TMEM132C: variants seen among roughly 807,000 people sequenced by gnomAD.
TMEM132C encodes protein phosphatase 1, regulatory subunit 152.
TMEM132C carries 29 observed loss-of-function variants against 61.4 expected under a neutral mutation model. The ratio of observed to expected loss-of-function variants is 0.47; its 90% CI spans 0.35 to 0.64. The LOEUF is 0.64. TMEM132C is among the 30% of genes least tolerant of loss of function. The pLI is 0.00. For synonymous variants in TMEM132C, 656 were observed against 633.1 expected (o/e 1.04, Z -0.54); for missense variants, 1,408 against 1,476.9 (o/e 0.95, Z 0.76).
chr12:128,343,724 A>T (rs1485026175), intron 1 of TMEM132C, among the ~76,000 whole-genome samples: 1 of 150,674 alleles, frequency 6.6e-6, no homozygotes, highest in Non-Finnish European at 1.5e-5. Context: ...TTCCACCCAG[A>T]AAAAAAACCC....
At chr12:128,631,310 AT>A (rs1167467730) in intron 4 of TMEM132C, among the ~76,000 whole-genome samples, 1 of 152,240 alleles carries the variant, frequency 6.6e-6, no homozygotes, top group Non-Finnish European at 1.5e-5. Flanking sequence ...GTAGCAACAC[AT>A]GACTAGTGGC....
intron 1 of TMEM132C, among the ~76,000 whole-genome samples, chr12:128,283,809 C>T (rs1175513335): frequency 1.3e-5 from 2 of 152,102 alleles, no homozygotes; most frequent in Non-Finnish European, 2.9e-5. Flanking sequence ...CATCTCAGTC[C>T]ACTCAATCTC....
chr12:128,340,870 TTCC>T (rs1048813484), intron 1 of TMEM132C, among the ~76,000 whole-genome samples: 10 of 150,440 alleles, frequency 6.6e-5, no homozygotes, highest in African/African-American at 2.4e-4. Flanking sequence ...CCTTCCTTCC[TTCC>T]TTTCTTTTTT....
intron 1 of TMEM132C, among the ~76,000 whole-genome samples, chr12:128,396,017 A>G (rs1300902391): frequency 2.0e-5 from 3 of 152,238 alleles, no homozygotes. Flanking sequence ...GGTCATAGGC[A>G]TGAAGCCCTT....
At chr12:128,615,088 C>T (rs559290339) in intron 3 of TMEM132C, among the ~76,000 whole-genome samples, 119 of 152,290 alleles carry the variant, frequency 7.8e-4, no homozygotes, top group African/African-American at 2.7e-3. Context: ...ATGAGTGGGT[C>T]CGACTGGAGC....
At chr12:128,470,499 C>A (rs902610286) in intron 2 of TMEM132C, among the ~76,000 whole-genome samples, 2 of 152,060 alleles carry the variant, frequency 1.3e-5, no homozygotes, top group African/African-American at 4.8e-5. Context: ...CCAACCATTG[C>A]TAATTTGGGA....
rs934669385 is a variant in TMEM132C, at chr12:128,417,651, T to G, written c.974+2031T>G. ...ATTGTAGTACCTGCTTCGATGGGGT[T>G]GTGAGGATTCAGTGGGCTAATATTT... On this transcript the variant is annotated intron_variant, in intron 2 of 8. Transcript: ENST00000435159. 2.6e-5 allele frequency among the ~76,000 whole-genome samples: 4 copies of G among 152,168 alleles called. No individual in the cohort carries two copies. The East Asian group carries it at 7.7e-4, about 29-fold the overall frequency.
chr12:128,662,910 C>A (rs1954406859), intron 4 of TMEM132C, among the ~76,000 whole-genome samples: 2 of 152,128 alleles, frequency 1.3e-5, no homozygotes, highest in Admixed American at 1.3e-4. Context: ...GACGTCTGGT[C>A]TCTGAGCCAC....
At chr12:128,327,900 T>C (rs1016240774) in intron 1 of TMEM132C, among the ~76,000 whole-genome samples, 2 of 152,096 alleles carry the variant, frequency 1.3e-5, no homozygotes, top group African/African-American at 4.8e-5. Context: ...CCAAGTTTTA[T>C]GCAGATGAAG....
chr12:128,593,859 T>G (rs990265162), intron 3 of TMEM132C, among the ~76,000 whole-genome samples: 1 of 152,050 alleles, frequency 6.6e-6, no homozygotes, highest in African/African-American at 2.4e-5. Flanking sequence ...AGTTTCCATC[T>G]CTCTCTCATC....
chr12:128,579,752 G>A (rs1875259302), intron 3 of TMEM132C, among the ~76,000 whole-genome samples: 1 of 152,192 alleles, frequency 6.6e-6, no homozygotes, highest in Non-Finnish European at 1.5e-5. Context: ...CAGAGGAGAA[G>A]AATGATTAAC....
At chr12:128,653,161 C>A (rs1339310817) in intron 4 of TMEM132C, among the ~76,000 whole-genome samples, 1 of 151,976 alleles carries the variant, frequency 6.6e-6, no homozygotes, top group Non-Finnish European at 1.5e-5. Flanking sequence ...ATGAAAGAAG[C>A]CAGGCACAAA....
At chr12:128,607,467 A>G (rs989853414) in intron 3 of TMEM132C, among the ~76,000 whole-genome samples, 1 of 152,092 alleles carries the variant, frequency 6.6e-6, no homozygotes, top group Non-Finnish European at 1.5e-5. Flanking sequence ...AGGTAGGGGA[A>G]GTAGGGGGTT....
At chr12:128,600,901 T>C (rs540539556) in intron 3 of TMEM132C, among the ~76,000 whole-genome samples, 24 of 152,300 alleles carry the variant, frequency 1.6e-4, no homozygotes, top group African/African-American at 5.8e-4. Context: ...CCCCAGGGCC[T>C]TCTAGTCTTA....
chr12:128,315,093 G>A (rs547475229), intron 1 of TMEM132C, among the ~76,000 whole-genome samples: 15 of 152,172 alleles, frequency 9.9e-5, no homozygotes, highest in African/African-American at 2.7e-4. Context: ...GGATGGTCTC[G>A]GAAGGTTCTT....
At chr12:128,691,020 A>T (rs1178092988) in intron 5 of TMEM132C, among the ~76,000 whole-genome samples, 1 of 152,250 alleles carries the variant, frequency 6.6e-6, no homozygotes, top group African/African-American at 2.4e-5. Flanking sequence ...CCGAGGCCAC[A>T]GACCCCCCAG....
chr12:128,479,307 A>C (rs1871249940), intron 2 of TMEM132C, among the ~76,000 whole-genome samples: 1 of 152,262 alleles, frequency 6.6e-6, no homozygotes, highest in Middle Eastern at 3.4e-3. Context: ...ACAAACCCTC[A>C]TGACACAAGT....
At chr12:128,574,371 G>A (rs527473844) in intron 3 of TMEM132C, among the ~76,000 whole-genome samples, 27 of 152,336 alleles carry the variant, frequency 1.8e-4, no homozygotes, top group Admixed American at 1.0e-3. Context: ...GAAGCGCTTC[G>A]CTGCTATCAT....
chr12:128,485,420 G>C (rs914523334), intron 2 of TMEM132C, among the ~76,000 whole-genome samples: 2 of 152,016 alleles, frequency 1.3e-5, no homozygotes, highest in Non-Finnish European at 2.9e-5. Context: ...CAGGTGATTC[G>C]CCCACCTCGG....
Sources: gnomAD v4.1 joint callset for allele counts (sites outside exome capture counted in the v4.1 genomes callset) on GRCh38, gnomAD v4.1.1 for gene constraint, MANE v1.5 for transcripts, NCBI Gene and HGNC (gene_info 2026-07-23, HGNC 2026-07-21) for gene names.